CPA6: variants seen among roughly 807,000 people sequenced by gnomAD.
CPA6 encodes the protein carboxypeptidase B.
A neutral mutation model predicts 63.3 loss-of-function variants in CPA6; 58 were observed. That is an observed-to-expected ratio of 0.92 (90% confidence interval 0.74 to 1.14). CPA6 has a LOEUF of 1.14. Ranked by LOEUF, CPA6 falls within the 50% of genes most tolerant of loss-of-function variation. The pLI, the probability that CPA6 is intolerant of heterozygous loss-of-function variation, is 0.00. For synonymous variants in CPA6, 185 were observed against 179.0 expected, an observed-to-expected ratio of 1.03 and a Z score of -0.27; for missense variants, 565 against 526.6, an observed-to-expected ratio of 1.07 and a Z score of -0.71.
chr8:67,727,875 G>C (rs1029071034), intron 1 of CPA6, among the ~76,000 whole-genome samples: 3 of 151,828 alleles, frequency 2.0e-5, no homozygotes, highest in Non-Finnish European at 4.4e-5. Flanking sequence ...TCAGGAGATC[G>C]AGACCATCCT....
At chr8:67,743,609 A>T (rs1273165512) in intron 1 of CPA6, among the ~76,000 whole-genome samples, 1 of 152,014 alleles carries the variant, frequency 6.6e-6, no homozygotes, top group African/African-American at 2.4e-5. Context: ...TTTCTCCCCA[A>T]ATCTCCCACT....
chr8:67,539,179 G>GT (rs1223452199), intron 2 of CPA6, among the ~76,000 whole-genome samples: 2 of 152,178 alleles, frequency 1.3e-5, no homozygotes, highest in Non-Finnish European at 2.9e-5. Context: ...AGGAGCTCTT[G>GT]TAAGGTAGGC....
chr8:67,560,592 A>G (rs1342902201), intron 2 of CPA6, among the ~76,000 whole-genome samples: 1 of 152,130 alleles, frequency 6.6e-6, no homozygotes, highest in Non-Finnish European at 1.5e-5. Flanking sequence ...GCTCATTCTC[A>G]TTCTTTTCTC....
chr8:67,543,701 C>T (rs1948822), intron 2 of CPA6, among the ~76,000 whole-genome samples: 75,420 of 151,734 alleles, frequency 0.5, 22,441 homozygotes, highest in East Asian at 0.7. Flanking sequence ...TATATGTTCA[C>T]ATTGTTGTGA....
At chr8:67,534,902 G>C (rs1172694218) in intron 2 of CPA6, among the ~76,000 whole-genome samples, 1 of 148,298 alleles carries the variant, frequency 6.7e-6, no homozygotes, top group Admixed American at 6.8e-5. Flanking sequence ...GGTGTGTGAT[G>C]TTCCCCGCCT....
intron 1 of CPA6, among the ~76,000 whole-genome samples, chr8:67,728,191 T>C (rs2623845): frequency 0.83 from 126,679 of 151,922 alleles, 53,114 homozygotes; most frequent in Admixed American, 0.88. Flanking sequence ...TGGGCCCATT[T>C]AATTCCCCTA....
chr8:67,610,751 A>C (rs2128984993), intron 2 of CPA6, among the ~76,000 whole-genome samples: 1 of 152,268 alleles, frequency 6.6e-6, no homozygotes, highest in Admixed American at 6.5e-5. Flanking sequence ...CTGGCCACCA[A>C]ATAATCTCAA....
intron 1 of CPA6, among the ~76,000 whole-genome samples, chr8:67,718,283 G>A (rs1817420867): frequency 6.6e-6 from 1 of 152,088 alleles, no homozygotes; most frequent in Admixed American, 6.5e-5. Flanking sequence ...GAATTGTGAG[G>A]TATTTTTTTT....
At chr8:67,571,585 A>T (rs1813487072) in intron 2 of CPA6, among the ~76,000 whole-genome samples, 1 of 152,222 alleles carries the variant, frequency 6.6e-6, no homozygotes, top group Non-Finnish European at 1.5e-5. Flanking sequence ...CAAAAAACAT[A>T]CTACTTAGCA....
chr8:67,545,067 T>C (rs965938187), intron 2 of CPA6, among the ~76,000 whole-genome samples: 8 of 152,216 alleles, frequency 5.3e-5, no homozygotes, highest in Non-Finnish European at 1.5e-5. Context: ...ATTTAATTAA[T>C]GACTATAGAG....
chr8:67,654,504 C>G (rs1815935672), intron 1 of CPA6, among the ~76,000 whole-genome samples: 1 of 152,140 alleles, frequency 6.6e-6, no homozygotes, highest in Non-Finnish European at 1.5e-5. Flanking sequence ...TTACCCATTT[C>G]TTCTAGATTT....
At chr8:67,611,985 T>C (rs1434290687) in intron 2 of CPA6, among the ~76,000 whole-genome samples, 1 of 152,248 alleles carries the variant, frequency 6.6e-6, no homozygotes, top group Non-Finnish European at 1.5e-5. Flanking sequence ...TTCTATCTTA[T>C]GTCTTTTAGT....
chr8:67,711,688 C>T (rs1025567080), intron 1 of CPA6, among the ~76,000 whole-genome samples: 1 of 119,860 alleles, frequency 8.3e-6, no homozygotes, highest in African/African-American at 3.3e-5. Context: ...TGCCTGTGTA[C>T]ACACACACAC....
At chr8:67,619,015 T>C (rs142927469) in intron 2 of CPA6, among the ~76,000 whole-genome samples, 142 of 152,374 alleles carry the variant, frequency 9.3e-4, no homozygotes, top group South Asian at 1.7e-3. Flanking sequence ...ACAATTTAAT[T>C]AGGAAAGTAA....
intron 1 of CPA6, among the ~76,000 whole-genome samples, chr8:67,645,428 A>G (rs1815693154): frequency 6.6e-6 from 1 of 152,240 alleles, no homozygotes; most frequent in Non-Finnish European, 1.5e-5. Flanking sequence ...CAACAAATGC[A>G]GGACAGAGCT....
intron 8 of CPA6, among the ~76,000 whole-genome samples, chr8:67,447,508 C>T (rs1324031623): frequency 4.0e-5 from 2 of 50,312 alleles, no homozygotes; most frequent in Non-Finnish European, 7.2e-5. Flanking sequence ...TGTGTGTATA[C>T]ACACACACAC....
At chr8:67,722,546 C>T (rs140181097) in intron 1 of CPA6, among the ~76,000 whole-genome samples, 48 of 152,222 alleles carry the variant, frequency 3.2e-4, no homozygotes, top group Admixed American at 5.2e-4. Context: ...ATCACAGTAC[C>T]GAACTTCTCT....
intron 8 of CPA6, among the ~76,000 whole-genome samples, chr8:67,473,995 C>T (rs1811120162): frequency 6.6e-6 from 1 of 151,994 alleles, no homozygotes; most frequent in African/African-American, 2.4e-5. Context: ...TCTTCCAAGA[C>T]GAGGAAGGAG....
intron 2 of CPA6, among the ~76,000 whole-genome samples, chr8:67,597,839 T>C (rs984676677): frequency 2.0e-5 from 3 of 152,230 alleles, no homozygotes; most frequent in African/African-American, 7.2e-5. Context: ...CTTTTGTTCA[T>C]GTTATCTTAT....
Sources: allele counts gnomAD v4.1 joint callset (sites outside exome capture counted in the v4.1 genomes callset), GRCh38; gene constraint gnomAD v4.1.1; transcripts MANE v1.5; gene names NCBI Gene and HGNC (gene_info 2026-07-23, HGNC 2026-07-21).